The following KCNQ5 variants were observed in gnomAD, a reference collection of about 807,000 sequenced individuals.
KCNQ5 encodes the protein potassium voltage-gated channel subfamily KQT member 5.
A neutral mutation model predicts 98.2 loss-of-function variants in KCNQ5; 30 were observed. The ratio of observed to expected loss-of-function variants is 0.31; its 90% CI spans 0.23 to 0.41. KCNQ5 has a LOEUF of 0.41. Ranked by LOEUF, KCNQ5 falls within the 10% of genes least tolerant of loss-of-function variation. The pLI, the probability that KCNQ5 is intolerant of heterozygous loss-of-function variation, is 1.00. For synonymous variants in KCNQ5, 458 were observed against 449.4 expected, an observed-to-expected ratio of 1.02 and a Z score of -0.24; for missense variants, 835 against 1,182.5, an observed-to-expected ratio of 0.71 and a Z score of 4.31.
intron 1 of KCNQ5, among the ~76,000 whole-genome samples, chr6:72,957,073 C>T (rs1767114076): frequency 6.6e-6 from 1 of 151,794 alleles, no homozygotes; most frequent in Non-Finnish European, 1.5e-5. Flanking sequence ...TTGAGTGCTT[C>T]ACTTCGCCTT....
intron 1 of KCNQ5, among the ~76,000 whole-genome samples, chr6:72,850,794 T>G (rs1777221327): frequency 6.6e-6 from 1 of 151,822 alleles, no homozygotes; most frequent in Non-Finnish European, 1.5e-5. Context: ...TCCCTGACTC[T>G]TGGCCCAGTG....
At chr6:73,097,075 G>C (rs1774535873) in intron 5 of KCNQ5, among the ~76,000 whole-genome samples, 1 of 149,194 alleles carries the variant, frequency 6.7e-6, no homozygotes, top group Non-Finnish European at 1.5e-5. Context: ...TTGAAATTTA[G>C]TCTTAGTAAT....
At chr6:73,094,193 AGTTT>A (rs1328696955) in intron 5 of KCNQ5, among the ~76,000 whole-genome samples, 42 of 152,216 alleles carry the variant, frequency 2.8e-4, no homozygotes, top group Admixed American at 1.5e-3. Context: ...GTTGCTTTAA[AGTTT>A]GTTTGTCTAA....
At chr6:73,132,950 A>G (rs1246469461) in intron 9 of KCNQ5, among the ~76,000 whole-genome samples, 3 of 152,258 alleles carry the variant, frequency 2.0e-5, no homozygotes, top group African/African-American at 4.8e-5. Context: ...CTTGCCTGGA[A>G]TATAAAATGC....
intron 1 of KCNQ5, among the ~76,000 whole-genome samples, chr6:72,731,706 A>G (rs1050979607): frequency 6.6e-6 from 1 of 152,070 alleles, no homozygotes; most frequent in Admixed American, 6.6e-5. Flanking sequence ...AAGAAGTCCC[A>G]CTCTGTCACT....
intron 1 of KCNQ5, among the ~76,000 whole-genome samples, chr6:72,686,095 C>T (rs984159816): frequency 2.6e-5 from 4 of 152,162 alleles, no homozygotes; most frequent in Non-Finnish European, 5.9e-5. Context: ...TCATCGAAAC[C>T]TGATTTACCT....
intron 1 of KCNQ5, chr6:72,806,763 T>G (rs1052009782): frequency 6.7e-6 from 3 of 447,586 alleles, no homozygotes; most frequent in Non-Finnish European, 1.3e-5. Flanking sequence ...CCATTCCTAC[T>G]TCCTCAAGCC....
intron 11 of KCNQ5, among the ~76,000 whole-genome samples, chr6:73,170,446 ACACACACACACACACG>A (rs1463925451): frequency 7.8e-6 from 1 of 128,558 alleles, no homozygotes; most frequent in East Asian, 2.3e-4. Flanking sequence ...ACACACACAC[ACACACACACACACACG>A]CAATCAAGAT....
intron 1 of KCNQ5, among the ~76,000 whole-genome samples, chr6:72,743,820 T>C (rs1315732118): frequency 6.6e-6 from 1 of 152,184 alleles, no homozygotes; most frequent in African/African-American, 2.4e-5. Context: ...AATAAAGTAT[T>C]AGATGTGACA....
intron 1 of KCNQ5, among the ~76,000 whole-genome samples, chr6:72,766,848 A>G (rs1301626444): frequency 6.6e-6 from 1 of 152,008 alleles, no homozygotes; most frequent in Non-Finnish European, 1.5e-5. Context: ...AGTTGTATAT[A>G]TAAAGCTAGA....
intron 1 of KCNQ5, among the ~76,000 whole-genome samples, chr6:72,996,128 T>C (rs1198386754): frequency 6.6e-6 from 1 of 152,202 alleles, no homozygotes; most frequent in African/African-American, 2.4e-5. Flanking sequence ...CTGTAAATAT[T>C]TGTGATTGAT....
chr6:72,741,498 A>C (rs552866258), intron 1 of KCNQ5, among the ~76,000 whole-genome samples: 2 of 152,274 alleles, frequency 1.3e-5, no homozygotes, highest in African/African-American at 4.8e-5. Flanking sequence ...TCTTACTAAG[A>C]TGCAGGGTCT....
intron 3 of KCNQ5, among the ~76,000 whole-genome samples, chr6:73,066,837 C>A (rs1773078617): frequency 1.3e-5 from 2 of 152,138 alleles, no homozygotes; most frequent in South Asian, 4.1e-4. Flanking sequence ...TATACATAAG[C>A]AAATATAATG....
chr6:72,979,190 C>T (rs1208695161), intron 1 of KCNQ5, among the ~76,000 whole-genome samples: 1 of 152,084 alleles, frequency 6.6e-6, no homozygotes, highest in Non-Finnish European at 1.5e-5. Context: ...GGGTATATAC[C>T]CAGTAATGGG....
At chr6:72,986,027 G>A (rs756504016) in intron 1 of KCNQ5, among the ~76,000 whole-genome samples, 4 of 151,972 alleles carry the variant, frequency 2.6e-5, no homozygotes, top group Non-Finnish European at 5.9e-5. Flanking sequence ...TCAGGAGTTC[G>A]AGACCAGCCT....
chr6:73,014,012 G>T (rs905368564), intron 2 of KCNQ5, among the ~76,000 whole-genome samples: 3 of 152,072 alleles, frequency 2.0e-5, no homozygotes, highest in East Asian at 1.9e-4. Flanking sequence ...AAGTGTAAAA[G>T]TTCATCTTCT....
At chr6:73,000,865 A>G (rs1420704303) in intron 1 of KCNQ5, among the ~76,000 whole-genome samples, 3 of 152,170 alleles carry the variant, frequency 2.0e-5, no homozygotes, top group Non-Finnish European at 2.9e-5. Flanking sequence ...GAAATCTTCA[A>G]TGGCTCCCCA....
Position 72,710,557 on chromosome 6 carries a change from A to C in KCNQ5, c.398+87970A>C, listed in dbSNP as rs546208954. On this transcript the variant is annotated intron_variant, in intron 1 of 13. Transcript: ENST00000370398. Reference sequence around the variant, plus strand: ...GGGTAGCTATACTTATTTCAGACAAAATAGACTTTGGGTCAAAAACTGTAA... The same window carrying C: ...GGGTAGCTATACTTATTTCAGACAACATAGACTTTGGGTCAAAAACTGTAA... Among the ~76,000 whole-genome samples the C allele has an allele frequency of 1.4e-3, 219 of 152,312 alleles. 1 individual carries two copies. Among genetic ancestry groups the C allele is most frequent in the African/African-American group, 5.1e-3 (214 of 41,580 alleles).
chr6:72,983,683 CAA>C (rs1328527818), intron 1 of KCNQ5, among the ~76,000 whole-genome samples: 1 of 152,210 alleles, frequency 6.6e-6, no homozygotes, highest in Non-Finnish European at 1.5e-5. Flanking sequence ...GCCAACTTGT[CAA>C]AGTCATTCTC....
Sources: gnomAD v4.1 joint callset for allele counts (sites outside exome capture counted in the v4.1 genomes callset) on GRCh38, gnomAD v4.1.1 for gene constraint, MANE v1.5 for transcripts, NCBI Gene and HGNC (gene_info 2026-07-23, HGNC 2026-07-21) for gene names.